The following SSUH2 variants were observed in gnomAD, a reference collection of about 807,000 sequenced individuals.
SSUH2 encodes ssu-2 homolog, also known as protein SSUH2 homolog.
In SSUH2, 47 loss-of-function variants were observed where a neutral mutation model predicts 55.3. That is an observed-to-expected ratio of 0.85 (90% CI 0.67 to 1.08). The LOEUF (loss-of-function observed/expected upper bound fraction) is 1.08. SSUH2 is among the 50% of genes least tolerant of loss of function. The pLI is 0.00. For missense variants in SSUH2, 535 were observed against 490.7 expected (o/e 1.09, Z -0.85); for synonymous variants, 212 against 191.5 (o/e 1.11, Z -0.89).
intron 5 of SSUH2, among the ~76,000 whole-genome samples, chr3:8,669,402 C>T (rs2125400650): frequency 6.6e-6 from 1 of 152,180 alleles, no homozygotes; most frequent in African/African-American, 2.4e-5. Flanking sequence ...CAAATAGAGA[C>T]AGAATAAGGA....
chr3:8,642,410 G>T (rs1434651253), intron 1 of SSUH2, among the ~76,000 whole-genome samples: 2 of 152,194 alleles, frequency 1.3e-5, no homozygotes, highest in African/African-American at 4.8e-5. Flanking sequence ...CAAGACCAAA[G>T]AGTAGAAGCT....
At chr3:8,634,520 C>A in intron 3 of SSUH2, 1 of 1,289,750 alleles carries the variant, frequency 7.8e-7, no homozygotes, top group Non-Finnish European at 1.0e-6. Context: ...ACACTTGTAT[C>A]TCCAGCATCC....
intron 7 of SSUH2, among the ~76,000 whole-genome samples, chr3:8,650,395 G>A (rs1702257877): frequency 6.6e-6 from 1 of 152,198 alleles, no homozygotes; most frequent in Non-Finnish European, 1.5e-5. Flanking sequence ...TGTGAACAGA[G>A]CCTGGAAAAT....
At chr3:8,644,871 T>A, upstream of SSUH2, 1 of 867,076 alleles carries the variant, frequency 1.2e-6, no homozygotes, top group South Asian at 1.4e-5. Flanking sequence ...TGTTACCCAG[T>A]TGGAATACAA....
chr3:8,623,034 G>GCT (rs1036246288), intron 11 of SSUH2, among the ~76,000 whole-genome samples: 4 of 152,192 alleles, frequency 2.6e-5, no homozygotes, highest in African/African-American at 9.6e-5. Flanking sequence ...GCTGGCTGCA[G>GCT]CAGCAGCAGA....
chr3:8,679,188 C>T (rs1705748086), intron 2 of SSUH2, among the ~76,000 whole-genome samples: 1 of 91,464 alleles, frequency 1.1e-5, no homozygotes, highest in Non-Finnish European at 2.5e-5. Context: ...CCCACACTGG[C>T]TCTTGGGACC....
chr3:8,638,859 G>T (rs1000380554), intron 1 of SSUH2, among the ~76,000 whole-genome samples: 10 of 152,130 alleles, frequency 6.6e-5, no homozygotes, highest in South Asian at 2.1e-4. Flanking sequence ...CAAGTCTTGG[G>T]TCTGCTGGGG....
At chr3:8,673,104 T>C (rs1704791113) in intron 3 of SSUH2, among the ~76,000 whole-genome samples, 1 of 152,008 alleles carries the variant, frequency 6.6e-6, no homozygotes, top group South Asian at 2.1e-4. Context: ...GTTCAGATTA[T>C]TAATATTAAT....
At position 8,675,708 on chromosome 3, in the gene SSUH2, C is replaced by T. The variant is rs35145943; in HGVS notation, c.-753+1498G>A. On this transcript the variant is annotated intron_variant, in intron 3 of 18. Transcript: ENST00000317371. ...ACTGTGGATCCCAAACTTTGCAGTA[C>T]TAGCCAAGCCTTTGCATGAGGTCAC... Among the ~76,000 whole-genome samples the T allele has an allele frequency of 1.5e-4, 23 of 152,264 alleles. No homozygotes were observed. In the East Asian group the frequency reaches 4.1e-3, roughly 27 times the overall value.
At chr3:8,659,911 T>G in intron 6 of SSUH2, 2 of 412,098 alleles carry the variant, frequency 4.9e-6, no homozygotes, top group South Asian at 3.7e-5. Context: ...AGCAGACATC[T>G]GAGTTGGATC....
At chr3:8,650,454 T>C (rs2125315829) in intron 7 of SSUH2, among the ~76,000 whole-genome samples, 1 of 152,324 alleles carries the variant, frequency 6.6e-6, no homozygotes, top group Non-Finnish European at 1.5e-5. Context: ...AATAAATATA[T>C]TCTTATGCAG....
At chr3:8,664,428 T>G (rs879156348) in intron 5 of SSUH2, among the ~76,000 whole-genome samples, 14 of 152,240 alleles carry the variant, frequency 9.2e-5, no homozygotes, top group Admixed American at 3.3e-4. Flanking sequence ...AGGCCCCAAT[T>G]TGGAGCATTC....
intron 1 of SSUH2, among the ~76,000 whole-genome samples, chr3:8,636,921 G>A (rs1019685928): frequency 3.3e-5 from 5 of 152,180 alleles, no homozygotes; most frequent in Admixed American, 2.6e-4. Context: ...AGTGGTGGGT[G>A]GGGCTGGATT....
intron 6 of SSUH2, among the ~76,000 whole-genome samples, chr3:8,663,272 G>C (rs557807952): frequency 6.6e-6 from 1 of 152,312 alleles, no homozygotes; most frequent in South Asian, 2.1e-4. Context: ...ATGTCTGACC[G>C]ACCCCAAAGC....
In SSUH2 at chr3:8,642,247, G is replaced by A. The variant is rs147721190; in HGVS notation, c.28+2484C>T. ...AAGGGAGGGGATTTTTTTCTCTTCCGCTCTGTGCTAGGACACTGCACTTTA... is the reference window on the plus strand; with the variant it reads ...AAGGGAGGGGATTTTTTTCTCTTCCACTCTGTGCTAGGACACTGCACTTTA... On this transcript the variant is annotated intron_variant, in intron 1 of 11. Transcript: ENST00000544814. 1.9e-3 allele frequency among the ~76,000 whole-genome samples: 296 copies of A among 152,208 alleles called. 1 individual carries two copies. The highest frequency in any genetic ancestry group is 6.7e-3 in the African/African-American group (278 of 41,542).
At position 8,619,570 on chromosome 3, in the gene SSUH2, G is replaced by T; in HGVS notation, c.*298C>A. ...GCAAAATCAAATCACACGCATCATC[G>T]GGGCATTAACTTGGAGACCAGAGGC... On this transcript the variant is annotated 3_prime_UTR_variant, in exon 12 of 12. Coordinates refer to ENST00000544814, the MANE Select transcript of SSUH2 (RefSeq NM_001256748.3). 1 of 288,462 alleles carries T rather than the reference G, an allele frequency of 3.5e-6. No individual in the cohort carries two copies. The highest frequency in any genetic ancestry group is 6.7e-5 in the East Asian group (1 of 14,994). 17.9% of individuals were successfully genotyped at this position (288,462 alleles called of 1,614,324 possible). A position where few individuals can be genotyped will look rare whatever the true frequency, so the allele number is the denominator to read the frequency against.
chr3:8,637,492 T>C (rs547511915), intron 1 of SSUH2, among the ~76,000 whole-genome samples: 1 of 152,292 alleles, frequency 6.6e-6, no homozygotes, highest in African/African-American at 2.4e-5. Context: ...AAGGCAGCAC[T>C]TCTGACCCCA....
chr3:8,633,064 G>A (rs1027550910), intron 4 of SSUH2, among the ~76,000 whole-genome samples: 2 of 152,052 alleles, frequency 1.3e-5, no homozygotes, highest in Middle Eastern at 3.4e-3. Context: ...CAGCCATGAG[G>A]ATTTGACAAG....
At chr3:8,635,941 G>A (rs1241620079) in intron 1 of SSUH2, 84 bp from the exon 2 acceptor site, 9 of 1,208,652 alleles carry the variant, frequency 7.4e-6, no homozygotes, top group African/African-American at 1.5e-5. Context: ...AAATTAGGGC[G>A]GGTGCATTAT....
Sources: allele counts gnomAD v4.1 joint callset (sites outside exome capture counted in the v4.1 genomes callset), GRCh38; gene constraint gnomAD v4.1.1; transcripts MANE v1.5; gene names NCBI Gene and HGNC (gene_info 2026-07-23, HGNC 2026-07-21).